The following ZRANB1 variants were observed in gnomAD, a reference collection of about 807,000 sequenced individuals.
The protein encoded by ZRANB1 is ubiquitin thioesterase ZRANB1.
ZRANB1 carries 16 observed loss-of-function variants against 80.5 expected under a neutral mutation model. The observed-to-expected ratio is 0.20, with a 90% confidence interval of 0.13 to 0.30. The LOEUF is 0.30. ZRANB1 is among the 10% of genes least tolerant of loss of function. ZRANB1 has a pLI of 1.00. For missense variants in ZRANB1, 576 were observed against 862.6 expected, an observed-to-expected ratio of 0.67 and a Z score of 4.16; for synonymous variants, 291 against 293.1, an observed-to-expected ratio of 0.99 and a Z score of 0.07.
intron 1 of ZRANB1, among the ~76,000 whole-genome samples, chr10:124,957,023 A>G (rs1490213120): frequency 6.6e-6 from 1 of 152,216 alleles, no homozygotes; most frequent in East Asian, 1.9e-4. Context: ...ACCACACAGT[A>G]TAATTATCCA....
At chr10:124,951,380 C>T (rs1177170442) in intron 1 of ZRANB1, among the ~76,000 whole-genome samples, 1 of 152,122 alleles carries the variant, frequency 6.6e-6, no homozygotes, top group African/African-American at 2.4e-5. Flanking sequence ...TTCCTTTGAA[C>T]TGGAATGATT....
upstream of ZRANB1, among the ~76,000 whole-genome samples, chr10:124,938,579 G>C (rs1951507825): frequency 6.6e-6 from 1 of 152,008 alleles, no homozygotes; most frequent in African/African-American, 2.4e-5. Flanking sequence ...CACCTACCTA[G>C]GCCTCCTGTG....
At chr10:124,979,330 C>T (rs909936674) in intron 5 of ZRANB1, among the ~76,000 whole-genome samples, 3 of 152,128 alleles carry the variant, frequency 2.0e-5, no homozygotes, top group African/African-American at 7.2e-5. Context: ...ATTCCTATAG[C>T]GTCTTTGGTT....
At chr10:124,984,621 A>C (rs1951992096) in intron 8 of ZRANB1, 153 bp from the exon 9 acceptor site, 1 of 716,768 alleles carries the variant, frequency 1.4e-6, no homozygotes, top group Admixed American at 3.2e-5. Context: ...GACTTTAATC[A>C]CAAAACTTCC....
At chr10:124,920,599 C>A in the ZRANB1 span, among the ~76,000 whole-genome samples, 1 of 151,922 alleles carries the variant, frequency 6.6e-6, no homozygotes, top group Non-Finnish European at 1.5e-5. Context: ...CTTGGCCTTG[C>A]TTTATGCCAT....
At chr10:124,943,334 G>A in intron 1 of ZRANB1, 27 bp downstream of exon 1, 1 of 1,585,116 alleles carries the variant, frequency 6.3e-7, no homozygotes, top group Non-Finnish European at 8.6e-7. Flanking sequence ...TGCATTTTTT[G>A]CGTGGGATGG....
chr10:124,978,500 C>G (rs1209969813), intron 5 of ZRANB1, among the ~76,000 whole-genome samples: 2 of 152,224 alleles, frequency 1.3e-5, no homozygotes, highest in African/African-American at 4.8e-5. Flanking sequence ...TTAGCTGACT[C>G]AGGTTCTCAA....
At chr10:124,931,214 G>A in the ZRANB1 span, among the ~76,000 whole-genome samples, 11 of 151,966 alleles carry the variant, frequency 7.2e-5, no homozygotes, top group African/African-American at 2.4e-4. Context: ...GACTACAGGC[G>A]TGTGCCACCA....
the ZRANB1 span, among the ~76,000 whole-genome samples, chr10:124,919,324 C>T: frequency 6.6e-6 from 1 of 152,022 alleles, no homozygotes. Context: ...GCGGGCGGAT[C>T]GCCTGAGGTC....
chr10:124,940,557 G>T (rs1320814578), upstream of ZRANB1: 2 of 1,287,698 alleles, frequency 1.6e-6, no homozygotes, highest in Admixed American at 4.6e-5. Context: ...AGTAAGTGTG[G>T]TTTTTATTTT....
At chr10:124,931,311 G>C in the ZRANB1 span, among the ~76,000 whole-genome samples, 893 of 150,154 alleles carry the variant, frequency 5.9e-3, 7 homozygotes, top group African/African-American at 0.018. Context: ...GGCCTCCCAA[G>C]GTGCTAGGAT....
chr10:124,926,704 T>C, the ZRANB1 span, among the ~76,000 whole-genome samples: 1 of 152,210 alleles, frequency 6.6e-6, no homozygotes, highest in Non-Finnish European at 1.5e-5. Context: ...AACATACTTA[T>C]TATCATGATC....
At chr10:124,938,345 T>C (rs908126302), upstream of ZRANB1, among the ~76,000 whole-genome samples, 11 of 141,662 alleles carry the variant, frequency 7.8e-5, no homozygotes, top group African/African-American at 3.0e-4. Flanking sequence ...TTTTCTTTTC[T>C]TTTTTTTTTT....
chr10:124,925,901 G>C, the ZRANB1 span, among the ~76,000 whole-genome samples: 3 of 152,164 alleles, frequency 2.0e-5, no homozygotes, highest in Non-Finnish European at 1.5e-5. Flanking sequence ...ACATCATAGA[G>C]TCTACTTAGA....
At chr10:124,937,242 A>T (rs1951496024), upstream of ZRANB1, among the ~76,000 whole-genome samples, 1 of 138,992 alleles carries the variant, frequency 7.2e-6, no homozygotes, top group Admixed American at 7.9e-5. Flanking sequence ...ACTGGAGTGC[A>T]GTGCTGCAGT....
Position 124,985,140 on chromosome 10 carries a change from C to T in ZRANB1, c.*148C>T, listed in dbSNP as rs1952004629. 1.6e-6 allele frequency: 1 copy of T among 612,486 alleles called. No individual in the cohort carries two copies. The highest frequency in any genetic ancestry group is 1.8e-5 in the African/African-American group (1 of 54,114). 37.9% of individuals were successfully genotyped at this position (612,486 alleles called of 1,614,324 possible). ...AAGTGTTTTCCTGGACCACACACAC[C>T]TTATGGAGATAATGCCTCTGCTGCG... On this transcript the variant is annotated 3_prime_UTR_variant, in exon 9 of 9. Transcript: ENST00000359653.
At chr10:124,973,207 C>T (rs1038328147) in intron 3 of ZRANB1, among the ~76,000 whole-genome samples, 3 of 152,078 alleles carry the variant, frequency 2.0e-5, no homozygotes, top group African/African-American at 7.2e-5. Context: ...GGCTGGAGTG[C>T]GGTGGCAGGA....
chr10:124,977,697 T>G (rs1589855053), intron 5 of ZRANB1, among the ~76,000 whole-genome samples: 3 of 117,896 alleles, frequency 2.5e-5, no homozygotes, highest in Admixed American at 1.2e-4. Context: ...GGTGACAGAG[T>G]GAGACCCTGC....
intron 1 of ZRANB1, among the ~76,000 whole-genome samples, chr10:124,944,484 T>TCC (rs56891265): frequency 1.3e-4 from 8 of 60,904 alleles, no homozygotes; most frequent in African/African-American, 3.9e-4. Flanking sequence ...TATATATCAT[T>TCC]CCCCCCCCCC....
Sources: gnomAD v4.1 joint callset for allele counts (sites outside exome capture counted in the v4.1 genomes callset) on GRCh38, gnomAD v4.1.1 for gene constraint, MANE v1.5 for transcripts, NCBI Gene and HGNC (gene_info 2026-07-23, HGNC 2026-07-21) for gene names.